Variants in ZDBF2 observed in about 807,000 individuals in gnomAD.
ZDBF2 encodes DBF4-type zinc finger-containing protein 2.
Under a neutral mutation model 9.4 loss-of-function variants are expected in ZDBF2, and 6 were observed. The observed-to-expected ratio is 0.64, with a 90% CI of 0.35 to 1.27. The LOEUF (loss-of-function observed/expected upper bound fraction) is 1.27, where lower values mean the gene tolerates loss of function less well. ZDBF2 is among the 50% of genes most tolerant of loss of function. ZDBF2 has a pLI of 0.03. For synonymous variants in ZDBF2, 905 were observed against 946.3 expected, an observed-to-expected ratio of 0.96 and a Z score of 0.80; for missense variants, 2,697 against 2,766.8, an observed-to-expected ratio of 0.97 and a Z score of 0.57.
chr2:206,287,558 T>C (rs1691666626), intron 3 of ZDBF2, among the ~76,000 whole-genome samples: 1 of 152,220 alleles, frequency 6.6e-6, no homozygotes, highest in Non-Finnish European at 1.5e-5. Flanking sequence ...CCTTTTTGGG[T>C]TGAATGTATT....
chr2:206,291,288 G>T (rs1000891771), intron 3 of ZDBF2, among the ~76,000 whole-genome samples: 1 of 152,130 alleles, frequency 6.6e-6, no homozygotes, highest in Non-Finnish European at 1.5e-5. Context: ...AAAGGAGCAC[G>T]CAACCTAGAT....
At position 206,310,348 on chromosome 2, in the gene ZDBF2, G is replaced by A. The variant is rs201220827; in HGVS notation, c.5820G>A (p.Ala1940=). 1.3e-5 allele frequency: 21 copies of A among 1,613,834 alleles called. No homozygotes were observed. The East Asian group carries it at 2.0e-4, about 15-fold the overall frequency. ...KGRVASQCQT[A]KISHSTQTSC... ...GTGTGGCTTCTCAATGCCAGACAGCGAAAATCAGCCATAGTACTCAGACCA... is the reference window on the plus strand; with the variant it reads ...GTGTGGCTTCTCAATGCCAGACAGCAAAAATCAGCCATAGTACTCAGACCA... The change falls in exon 5 of 5, where the codon GCG becomes GCA. Residue 1940 remains alanine, a synonymous_variant. Transcript: ENST00000374423.
At position 206,306,259 on chromosome 2, in the gene ZDBF2, T is replaced by G; in HGVS notation, c.1731T>G (p.Ser577Arg). 1 of 1,613,408 alleles carries G rather than the reference T, an allele frequency of 6.2e-7. No individual in the cohort carries two copies. Among genetic ancestry groups the G allele is most frequent in the Non-Finnish European group, 8.5e-7 (1 of 1,179,742 alleles). The change falls in exon 5 of 5, where the codon AGT (serine) becomes AGG (arginine). Residue 577 changes from serine (S) to arginine (R), a missense_variant. By Grantham distance (110) the Ser-to-Arg change is moderately radical. Around this residue, in one of 3 missense-constraint regions of ZDBF2, gnomAD observed 910 missense variants for 973.6 expected, o/e 0.93. Transcript: ENST00000374423. ...HTSLVDNYGS[S>R]CSETSFDCDV... ...GCTTGGTTGATAACTATGGATCGAG[T>G]TGTTCTGAAACAAGTTTTGATTGTG...
At position 206,286,686 on chromosome 2, in the gene ZDBF2, G is replaced by C. The variant is rs565893383; in HGVS notation, c.60+4777G>C. On this transcript the variant is annotated intron_variant, in intron 3 of 4. Transcript: ENST00000374423. ...GCAGGGACTACAGGTGCATGCCATTGTTCCCAGCCATCTATATGTGTCTTT... is the reference window on the plus strand; with the variant it reads ...GCAGGGACTACAGGTGCATGCCATTCTTCCCAGCCATCTATATGTGTCTTT... Among the ~76,000 whole-genome samples the C allele has an allele frequency of 3.0e-4, 46 of 152,120 alleles. 1 individual carries two copies. The highest frequency in any genetic ancestry group is 9.2e-4 in the African/African-American group (38 of 41,486).
At chr2:206,281,651 G>T in intron 2 of ZDBF2, 150 bp from the exon 3 acceptor site, 2 of 520,156 alleles carry the variant, frequency 3.8e-6, no homozygotes, top group Non-Finnish European at 6.8e-6. Context: ...CTCTGCTCCA[G>T]GTTCACTTAT....
At chr2:206,303,926 A>G (rs1692632370) in intron 4 of ZDBF2, among the ~76,000 whole-genome samples, 1 of 152,190 alleles carries the variant, frequency 6.6e-6, no homozygotes, top group Non-Finnish European at 1.5e-5. Flanking sequence ...ATTAAATACC[A>G]TTAATTATTT....
Position 206,314,028 on chromosome 2 carries a change from A to G in ZDBF2, c.*2435A>G, listed in dbSNP as rs1693297124. 1 of 152,196 alleles carries G rather than the reference A, an allele frequency of 6.6e-6. No homozygotes were observed. The highest frequency in any genetic ancestry group is 6.5e-5 in the Admixed American group (1 of 15,280). The allele number at this position is 152,196 out of a possible 1,614,324, so 9.4% of individuals were successfully genotyped here. On this transcript the variant is annotated 3_prime_UTR_variant, in exon 5 of 5. Coordinates refer to ENST00000374423, the MANE Select transcript of ZDBF2 (RefSeq NM_020923.3). ...CTAAATAAATGTTGGCTTAATTTGC[A>G]GAATAGATAAAACAATTGATGTTTT... is the stretch of plus-strand genomic sequence containing the variant.
chr2:206,277,504 G>A (rs1006898681), intron 1 of ZDBF2, among the ~76,000 whole-genome samples: 1 of 151,872 alleles, frequency 6.6e-6, no homozygotes, highest in African/African-American at 2.4e-5. Context: ...TTATTTTTAT[G>A]AAAAATAAAT....
rs138324069 is a variant in ZDBF2 at position 206,310,739 on chromosome 2, C to T, written c.6211C>T (p.Pro2071Ser). 497 of 1,613,680 alleles carry T rather than the reference C, an allele frequency of 3.1e-4. No individual in the cohort carries two copies. The African/African-American group carries it at 6.2e-3, about 20-fold the overall frequency. ...TAGTCCTCCCCTGAGTGTAATAGTA[C>T]CAGAGTTTGAGAGGCGTAACTGGGT... The part of the protein sequence containing the change: ...VISPPLSVIV[P>S]EFERRNWVKI... Residue 2071 changes from proline to serine, a missense_variant, in exon 5 of 5, where the codon CCA (proline) becomes TCA (serine). This residue lies in a region of ZDBF2 where 1,783 missense variants were observed against 1,776.5 expected (regional missense o/e 1.00). Transcript: ENST00000374423.
At chr2:206,281,412 T>G (rs1181823675) in intron 2 of ZDBF2, among the ~76,000 whole-genome samples, 1 of 152,152 alleles carries the variant, frequency 6.6e-6, no homozygotes, top group African/African-American at 2.4e-5. Flanking sequence ...TAATCTGGGG[T>G]TTGATATGGA....
chr2:206,309,512 G>A lies in ZDBF2; in HGVS notation c.4984G>A (p.Gly1662Ser). ...AGAAGATAAGAGCTGTGGATATAAT[G>A]GTTCTAAAGGAAAATTTAATTTGGA... is the stretch of plus-strand genomic sequence containing the variant. The part of the protein sequence containing the change: ...DSEDKSCGYN[G>S]SKGKFNLEDT... Residue 1662 changes from glycine (G) to serine (S), a missense_variant, in exon 5 of 5, where the codon GGT (glycine) becomes AGT (serine). Gly to Ser is a moderately conservative substitution (Grantham distance 56, BLOSUM62 0). Transcript: ENST00000374423. 6.2e-7 allele frequency: 1 copy of A among 1,613,938 alleles called. No homozygotes were observed. Among genetic ancestry groups the A allele is most frequent in the African/African-American group, 1.3e-5 (1 of 75,022 alleles).
chr2:206,309,161 C>T lies in ZDBF2; in HGVS notation c.4633C>T (p.Pro1545Ser), dbSNP rs746552250. Residue 1545 changes from proline to serine, a missense_variant, in exon 5 of 5, where the codon CCC becomes TCC. Physicochemically the swap from Pro to Ser is moderately conservative, Grantham distance 74. Transcript: ENST00000374423. ...TTATGAAGTAATTTCAGATGATATT[C>T]CCCTTCAGTTAGTGACTGACCCACC... ...SDYEVISDDI[P>S]LQLVTDPPQL... is the part of the protein sequence containing the mutation. 6.2e-7 allele frequency: 1 copy of T among 1,611,544 alleles called. No homozygotes were observed. The highest frequency in any genetic ancestry group is 2.2e-5 in the East Asian group (1 of 44,842).
chr2:206,289,444 A>T (rs544602122), intron 3 of ZDBF2, among the ~76,000 whole-genome samples: 1 of 151,064 alleles, frequency 6.6e-6, no homozygotes, highest in East Asian at 1.9e-4. Flanking sequence ...CTCCAGCCTG[A>T]TGGGGTGAGA....
rs762656637 is a variant in ZDBF2, at chr2:206,307,316, C to T, written c.2788C>T (p.Arg930Cys). 35 of 1,611,684 alleles carry T rather than the reference C, an allele frequency of 2.2e-5. No individual in the cohort carries two copies. The African/African-American group carries it at 3.2e-4, about 15-fold the overall frequency. Residue 930 changes from arginine (R) to cysteine (C), a missense_variant, in exon 5 of 5, where the codon CGT becomes TGT. Transcript: ENST00000374423. The stretch of plus-strand genomic sequence containing the variant: ...TATCATTTTTCATTCAGTGACTGGA[C>T]GTTCTGAAGATCCCATTAAAGAAAT... Reference protein sequence around the residue: ...YNIIFHSVTGRSEDPIKEISL... With the variant: ...YNIIFHSVTGCSEDPIKEISL...
At chr2:206,294,610 C>G (rs886159224) in intron 3 of ZDBF2, among the ~76,000 whole-genome samples, 11 of 152,104 alleles carry the variant, frequency 7.2e-5, no homozygotes, top group African/African-American at 2.7e-4. Context: ...AGCATAGTAC[C>G]TGATAGGTAG....
rs1350314597 is a variant in ZDBF2, at chr2:206,310,383, A to T, written c.5855A>T (p.Asn1952Ile). The change falls in exon 5 of 5, where the codon AAT (asparagine) becomes ATT (isoleucine). Residue 1952 changes from asparagine (N) to isoleucine (I), a missense_variant. This residue lies in a region of ZDBF2 where 1,783 missense variants were observed against 1,776.5 expected (regional missense o/e 1.00). Transcript: ENST00000374423. ...ISHSTQTSCK[N>I]YPVMKRKIIR... ...CATAGTACTCAGACCAGTTGTAAGA[A>T]TTACCCAGTGATGAAAAGAAAAATA... 4 of 1,613,880 alleles carry T rather than the reference A, an allele frequency of 2.5e-6. No individual in the cohort carries two copies. In the South Asian group the frequency reaches 4.4e-5, roughly 18 times the overall value.
chr2:206,297,443 C>A, intron 4 of ZDBF2, 70 bp downstream of exon 4: 4 of 1,307,526 alleles, frequency 3.1e-6, no homozygotes, highest in East Asian at 5.2e-5. Flanking sequence ...GTTCATGTCC[C>A]AATCAATACT....
chr2:206,282,981 G>A (rs1691401644), intron 3 of ZDBF2, among the ~76,000 whole-genome samples: 1 of 152,178 alleles, frequency 6.6e-6, no homozygotes, highest in African/African-American at 2.4e-5. Flanking sequence ...GGCCTTTTGT[G>A]TCTGGCTTCT....
At position 206,308,528 on chromosome 2, in the gene ZDBF2, A is replaced by G. The variant is rs541497187; in HGVS notation, c.4000A>G (p.Asn1334Asp). The change falls in exon 5 of 5, where the codon AAT becomes GAT. Residue 1334 changes from asparagine (N) to aspartate (D), a missense_variant. Coordinates refer to ENST00000374423, the MANE Select transcript of ZDBF2 (RefSeq NM_020923.3). ...PSDSEIIYVS[N>D]IPLQSVIKQP... ...TGATTCTGAAATAATTTATGTTTCA[A>G]ATATCCCTCTTCAGTCAGTGATAAA... is the stretch of plus-strand genomic sequence containing the variant. 6.8e-6 allele frequency: 11 copies of G among 1,613,256 alleles called. No individual in the cohort carries two copies. Among genetic ancestry groups the G allele is most frequent in the Admixed American group, 1.7e-5 (1 of 59,918 alleles).
Sources: allele counts gnomAD v4.1 joint callset (sites outside exome capture counted in the v4.1 genomes callset), GRCh38; gene constraint gnomAD v4.1.1; regional missense constraint gnomAD v4.1.1; transcripts MANE v1.5; gene names NCBI Gene and HGNC (gene_info 2026-07-23, HGNC 2026-07-21).